The following RAB3C variants were observed in gnomAD, a reference collection of about 807,000 sequenced individuals.
RAB3C encodes ras-related protein Rab-3C.
RAB3C carries 17 observed loss-of-function variants against 26.4 expected under a neutral mutation model. That is an observed-to-expected ratio of 0.64 (90% CI 0.44 to 0.97). The LOEUF is 0.97. RAB3C is among the 50% of genes least tolerant of loss of function. RAB3C has a pLI of 0.00. For synonymous variants in RAB3C, 91 were observed against 95.9 expected (o/e 0.95, Z 0.30); for missense variants, 242 against 281.9 (o/e 0.86, Z 1.01).
intron 3 of RAB3C, among the ~76,000 whole-genome samples, chr5:58,815,253 G>T (rs1743191210): frequency 6.6e-6 from 1 of 152,116 alleles, no homozygotes; most frequent in South Asian, 2.1e-4. Flanking sequence ...AGGAGCCTTG[G>T]GATATAGACC....
Position 58,610,733 on chromosome 5 carries a change from T to A in RAB3C, c.25-6910T>A, listed in dbSNP as rs185505149. Among the ~76,000 whole-genome samples the A allele has an allele frequency of 2.7e-3, 413 of 152,184 alleles. 1 individual carries two copies. The highest frequency in any genetic ancestry group is 9.3e-3 in the African/African-American group (388 of 41,552). On this transcript the variant is annotated intron_variant, in intron 1 of 4. Coordinates refer to ENST00000282878, the MANE Select transcript of RAB3C (RefSeq NM_138453.4). ...GAATGACTTAGACTATTATCAATAGTAGTAGCTGGAACATAGTAACTTTAT... is the reference window on the plus strand; with the variant it reads ...GAATGACTTAGACTATTATCAATAGAAGTAGCTGGAACATAGTAACTTTAT...
chr5:58,626,367 C>T (rs186987081), intron 2 of RAB3C, among the ~76,000 whole-genome samples: 1 of 152,298 alleles, frequency 6.6e-6, no homozygotes, highest in Admixed American at 6.5e-5. Flanking sequence ...TCCCTTTGCA[C>T]TGTTTTGTAA....
At chr5:58,658,567 A>G (rs1001601594) in intron 2 of RAB3C, among the ~76,000 whole-genome samples, 1 of 152,218 alleles carries the variant, frequency 6.6e-6, no homozygotes, top group African/African-American at 2.4e-5. Context: ...TGCATCAGTT[A>G]TCTCTTACAG....
intron 1 of RAB3C, among the ~76,000 whole-genome samples, chr5:58,585,333 A>G (rs1745989354): frequency 6.6e-6 from 1 of 152,052 alleles, no homozygotes; most frequent in African/African-American, 2.4e-5. Flanking sequence ...GATATTTCTG[A>G]ATTGTAATCA....
In RAB3C at chr5:58,845,017, CG is replaced by C. The variant is rs545736189; in HGVS notation, c.497-6142del. Among the ~76,000 whole-genome samples, 339 of 152,158 alleles carry C rather than the reference CG, an allele frequency of 2.2e-3. 3 individuals carry two copies. The highest frequency in any genetic ancestry group is 7.7e-3 in the African/African-American group (318 of 41,484). On this transcript the variant is annotated intron_variant, in intron 4 of 4. Coordinates refer to ENST00000282878, the MANE Select transcript of RAB3C (RefSeq NM_138453.4). ...GATTGTTGTAATGCACTGGAGAAAG[CG>C]GGGGAAGAGGTGGTTAAGTGTGCAA...
chr5:58,764,367 GCTT>G, intron 3 of RAB3C, among the ~76,000 whole-genome samples: 1 of 152,280 alleles, frequency 6.6e-6, no homozygotes, highest in South Asian at 2.1e-4. Flanking sequence ...TATGAACAGT[GCTT>G]TGTTCTAGAG....
At chr5:58,712,210 A>G (rs1398649595) in intron 2 of RAB3C, among the ~76,000 whole-genome samples, 1 of 151,910 alleles carries the variant, frequency 6.6e-6, no homozygotes, top group Non-Finnish European at 1.5e-5. Flanking sequence ...CCAGGCTCTC[A>G]GATTGCTTTG....
At chr5:58,793,165 C>CT (rs1235198212) in intron 3 of RAB3C, among the ~76,000 whole-genome samples, 1 of 152,084 alleles carries the variant, frequency 6.6e-6, no homozygotes, top group South Asian at 2.1e-4. Context: ...TCAGTGGGCC[C>CT]TAAGGGCTTT....
At chr5:58,704,979 G>A (rs1748915284) in intron 2 of RAB3C, among the ~76,000 whole-genome samples, 1 of 152,002 alleles carries the variant, frequency 6.6e-6, no homozygotes, top group Non-Finnish European at 1.5e-5. Flanking sequence ...ATTTATGAAT[G>A]GTAGATTCAA....
Position 58,617,500 on chromosome 5 carries a change from C to T in RAB3C, c.25-143C>T, listed in dbSNP as rs772578033. On this transcript the variant is annotated intron_variant, in intron 1 of 4. Coordinates refer to ENST00000282878, the MANE Select transcript of RAB3C (RefSeq NM_138453.4). The stretch of plus-strand genomic sequence containing the variant: ...CATGGATACCAATATCAGAGGAAGA[C>T]TGGGGAGCACTCACCACTCGCCTCC... The T allele has an allele frequency of 5.1e-6, 4 of 785,834 alleles. No individual in the cohort carries two copies. In the Admixed American group the frequency reaches 6.8e-5, roughly 13 times the overall value. The allele number at this position is 785,834 out of a possible 1,614,324, so 48.7% of individuals were successfully genotyped here.
In RAB3C at chr5:58,851,267, G is replaced by T; in HGVS notation, c.600G>T (p.Glu200Asp). ...GCGACAAAATGTCAGAGAGTTTGGA[G>T]ACTGATCCTGCCATCACTGCTGCAA... ...IICDKMSESL[E>D]TDPAITAAKQ... Residue 200 changes from glutamate (E) to aspartate (D), a missense_variant, in exon 5 of 5, where the codon GAG becomes GAT. By Grantham distance (45) the Glu-to-Asp change is conservative (BLOSUM62 2). Transcript: ENST00000282878. 6.2e-7 allele frequency: 1 copy of T among 1,613,960 alleles called. No homozygotes were observed. The highest frequency in any genetic ancestry group is 8.5e-7 in the Non-Finnish European group (1 of 1,179,926).
chr5:58,633,164 G>T (rs1476323684), intron 2 of RAB3C, among the ~76,000 whole-genome samples: 5 of 152,198 alleles, frequency 3.3e-5, no homozygotes, highest in African/African-American at 1.2e-4. Context: ...AGGCTAGGAA[G>T]CATACGGTTT....
At chr5:58,797,457 C>A in intron 3 of RAB3C, among the ~76,000 whole-genome samples, 1 of 148,990 alleles carries the variant, frequency 6.7e-6, no homozygotes, top group African/African-American at 2.5e-5. Context: ...AGTGCTGCTG[C>A]CTCCACTTCC....
intron 4 of RAB3C, among the ~76,000 whole-genome samples, chr5:58,842,967 A>C (rs778347008): frequency 6.6e-6 from 1 of 152,208 alleles, no homozygotes; most frequent in Non-Finnish European, 1.5e-5. Context: ...AAAATATAAG[A>C]AGATGGACAT....
intron 2 of RAB3C, among the ~76,000 whole-genome samples, chr5:58,627,864 A>G (rs1343505346): frequency 6.6e-6 from 1 of 152,208 alleles, no homozygotes; most frequent in Non-Finnish European, 1.5e-5. Context: ...AAAAATGTTT[A>G]CAAAGCATCG....
intron 2 of RAB3C, among the ~76,000 whole-genome samples, chr5:58,716,161 C>T (rs1379570709): frequency 6.6e-6 from 1 of 150,526 alleles, no homozygotes; most frequent in African/African-American, 2.4e-5. Flanking sequence ...AAGATGAGAA[C>T]CAAAAGTTAA....
At chr5:58,691,784 T>C (rs1049538488) in intron 2 of RAB3C, among the ~76,000 whole-genome samples, 1 of 152,204 alleles carries the variant, frequency 6.6e-6, no homozygotes, top group African/African-American at 2.4e-5. Flanking sequence ...AGTTTATCTA[T>C]TTTCTGCTCA....
chr5:58,786,629 T>C (rs1742389967), intron 3 of RAB3C, among the ~76,000 whole-genome samples: 2 of 152,188 alleles, frequency 1.3e-5, no homozygotes, highest in South Asian at 2.1e-4. Flanking sequence ...GAAAACAAAG[T>C]TCAGGAAAAT....
At chr5:58,671,945 A>G (rs1561284871) in intron 2 of RAB3C, among the ~76,000 whole-genome samples, 1 of 152,038 alleles carries the variant, frequency 6.6e-6, no homozygotes, top group Non-Finnish European at 1.5e-5. Flanking sequence ...AAAGTTCTAG[A>G]AAAAAAACTT....
Sources: allele counts gnomAD v4.1 joint callset (sites outside exome capture counted in the v4.1 genomes callset), GRCh38; gene constraint gnomAD v4.1.1; transcripts MANE v1.5; gene names NCBI Gene and HGNC (gene_info 2026-07-23, HGNC 2026-07-21).